Variants in LRRC4C observed in about 807,000 individuals in gnomAD.
LRRC4C encodes leucine-rich repeat-containing protein 4C.
Under a neutral mutation model 33.6 loss-of-function variants are expected in LRRC4C, and 5 were observed. The observed-to-expected ratio is 0.15, with a 90% confidence interval of 0.08 to 0.31. The LOEUF (loss-of-function observed/expected upper bound fraction) is 0.31, where lower values mean the gene tolerates loss of function less well. Ranked by LOEUF, LRRC4C falls within the 10% of genes least tolerant of loss-of-function variation. LRRC4C has a pLI of 1.00. For missense variants in LRRC4C, 560 were observed against 796.7 expected, an observed-to-expected ratio of 0.70 and a Z score of 3.58; for synonymous variants, 329 against 302.0, an observed-to-expected ratio of 1.09 and a Z score of -0.93.
chr11:40,295,796 C>T (rs770373328), intron 4 of LRRC4C, among the ~76,000 whole-genome samples: 2 of 152,164 alleles, frequency 1.3e-5, no homozygotes, highest in Non-Finnish European at 2.9e-5. Context: ...GGGTTAATGG[C>T]ATTGCTTCTA....
At chr11:41,333,621 T>G (rs552769651) in intron 1 of LRRC4C, among the ~76,000 whole-genome samples, 1 of 152,302 alleles carries the variant, frequency 6.6e-6, no homozygotes, top group South Asian at 2.1e-4. Context: ...CTTAACAGCT[T>G]TACCTTGTCT....
intron 2 of LRRC4C, among the ~76,000 whole-genome samples, chr11:40,764,242 G>T (rs960157575): frequency 3.3e-5 from 5 of 152,156 alleles, no homozygotes; most frequent in Non-Finnish European, 2.9e-5. Context: ...TTGAAGGGAA[G>T]GGCCCAACCC....
chr11:40,423,513 T>G (rs1950602534), intron 3 of LRRC4C, among the ~76,000 whole-genome samples: 1 of 151,146 alleles, frequency 6.6e-6, no homozygotes. Flanking sequence ...CCCGGCTAAT[T>G]TTTTGTATTT....
At chr11:40,948,086 T>C (rs1958493131) in intron 1 of LRRC4C, among the ~76,000 whole-genome samples, 1 of 152,164 alleles carries the variant, frequency 6.6e-6, no homozygotes, top group Non-Finnish European at 1.5e-5. Flanking sequence ...TTCTCCCTGC[T>C]CTTCTTAAAT....
At chr11:40,825,801 C>T (rs1048007003) in intron 2 of LRRC4C, among the ~76,000 whole-genome samples, 2 of 149,912 alleles carry the variant, frequency 1.3e-5, no homozygotes, top group Non-Finnish European at 1.5e-5. Flanking sequence ...GACTGGATGA[C>T]ACAAAGATAG....
At chr11:40,187,231 C>T (rs531355215) in intron 5 of LRRC4C, among the ~76,000 whole-genome samples, 4 of 152,194 alleles carry the variant, frequency 2.6e-5, no homozygotes, top group Non-Finnish European at 4.4e-5. Flanking sequence ...AAAATTACAT[C>T]TGAACTCTTA....
intron 2 of LRRC4C, among the ~76,000 whole-genome samples, chr11:40,797,255 G>A (rs1005152464): frequency 6.6e-6 from 1 of 152,098 alleles, no homozygotes; most frequent in Non-Finnish European, 1.5e-5. Flanking sequence ...TATAAAAATA[G>A]AAATGGAGAG....
chr11:40,819,591 T>C (rs531555136), intron 2 of LRRC4C, among the ~76,000 whole-genome samples: 30 of 152,250 alleles, frequency 2.0e-4, no homozygotes, highest in Non-Finnish European at 3.1e-4. Flanking sequence ...TGACTGAGGC[T>C]ATACATATAT....
At chr11:40,678,281 C>T (rs1343548513) in intron 2 of LRRC4C, among the ~76,000 whole-genome samples, 1 of 151,998 alleles carries the variant, frequency 6.6e-6, no homozygotes, top group Non-Finnish European at 1.5e-5. Flanking sequence ...AATTTCAGCC[C>T]TGGAGCCCCT....
chr11:40,152,447 G>C (rs1324069696), intron 5 of LRRC4C, among the ~76,000 whole-genome samples: 1 of 152,136 alleles, frequency 6.6e-6, no homozygotes, highest in Non-Finnish European at 1.5e-5. Context: ...CTCTTGGCCA[G>C]AACTCAAGGG....
chr11:40,162,538 A>G (rs2135361516), intron 5 of LRRC4C, among the ~76,000 whole-genome samples: 1 of 152,222 alleles, frequency 6.6e-6, no homozygotes, highest in African/African-American at 2.4e-5. Context: ...TCACTCTGCA[A>G]CTTTTCTTTC....
At chr11:40,497,962 A>C (rs1429503081) in intron 3 of LRRC4C, among the ~76,000 whole-genome samples, 1 of 152,204 alleles carries the variant, frequency 6.6e-6, no homozygotes, top group Non-Finnish European at 1.5e-5. Flanking sequence ...TTATGGTATA[A>C]GAAAGTGTAC....
At chr11:40,964,858 T>G (rs1191756755) in intron 1 of LRRC4C, among the ~76,000 whole-genome samples, 1 of 152,030 alleles carries the variant, frequency 6.6e-6, no homozygotes, top group Non-Finnish European at 1.5e-5. Flanking sequence ...TATAGCAGCA[T>G]GATTTATAAT....
At chr11:40,411,837 T>C (rs1365178499) in intron 3 of LRRC4C, among the ~76,000 whole-genome samples, 1 of 152,020 alleles carries the variant, frequency 6.6e-6, no homozygotes, top group African/African-American at 2.4e-5. Context: ...ATAACCATGG[T>C]AGCTAGTATT....
Position 41,215,351 on chromosome 11 carries a change from G to A in LRRC4C, c.-496+244080C>T, listed in dbSNP as rs1048378924. 2.0e-5 allele frequency among the ~76,000 whole-genome samples: 3 copies of A among 151,804 alleles called. No individual in the cohort carries two copies. In the East Asian group the frequency reaches 5.8e-4, roughly 30 times the overall value. Reference sequence around the variant, plus strand: ...AAAAATACAAAAAGTAGCTGGACGTGGTGGTGCACGCCTGTGATCCCAGCT... The same window carrying A: ...AAAAATACAAAAAGTAGCTGGACGTAGTGGTGCACGCCTGTGATCCCAGCT... On this transcript the variant is annotated intron_variant, in intron 1 of 6. Coordinates refer to ENST00000528697, the MANE Select transcript of LRRC4C (RefSeq NM_001258419.2).
At chr11:40,590,026 C>T (rs1183392883) in intron 3 of LRRC4C, among the ~76,000 whole-genome samples, 1 of 151,412 alleles carries the variant, frequency 6.6e-6, no homozygotes, top group Non-Finnish European at 1.5e-5. Flanking sequence ...TGTTGACCTG[C>T]CTTGCTAGAT....
chr11:40,248,418 G>A (rs1866511796), intron 4 of LRRC4C, among the ~76,000 whole-genome samples: 1 of 152,124 alleles, frequency 6.6e-6, no homozygotes, highest in African/African-American at 2.4e-5. Context: ...TAGCATCCAT[G>A]GTCTCCCTCC....
intron 3 of LRRC4C, among the ~76,000 whole-genome samples, chr11:40,458,637 T>A (rs41490153): frequency 0.049 from 7,413 of 152,216 alleles, 417 homozygotes; most frequent in African/African-American, 0.13. Context: ...ATGGGGAACT[T>A]GAGCAAATAT....
chr11:41,305,911 AT>A (rs1176860430), intron 1 of LRRC4C, among the ~76,000 whole-genome samples: 1 of 90,324 alleles, frequency 1.1e-5, no homozygotes, highest in Admixed American at 1.5e-4. Context: ...AAAAAAATAA[AT>A]TAAAAAAAAA....
Sources: gnomAD v4.1 joint callset for allele counts (sites outside exome capture counted in the v4.1 genomes callset) on GRCh38, gnomAD v4.1.1 for gene constraint, MANE v1.5 for transcripts, NCBI Gene and HGNC (gene_info 2026-07-23, HGNC 2026-07-21) for gene names.